The following RHBDL3 variants were observed in gnomAD, a reference collection of about 807,000 sequenced individuals.
The protein encoded by RHBDL3 is rhomboid-related protein 3.
In RHBDL3, 28 loss-of-function variants were observed where a neutral mutation model predicts 48.2. The observed-to-expected ratio is 0.58, with a 90% CI of 0.43 to 0.80. The LOEUF (loss-of-function observed/expected upper bound fraction) is 0.80. Among genes scored for constraint, RHBDL3 ranks in the 30% least tolerant of loss-of-function variants. The pLI, the probability that RHBDL3 is intolerant of heterozygous loss-of-function variation, is 0.00. For synonymous variants in RHBDL3, 208 were observed against 232.3 expected (o/e 0.90, Z 0.95); for missense variants, 464 against 542.7 (o/e 0.85, Z 1.44).
chr17:32,285,868 G>A (rs111680049), intron 3 of RHBDL3, among the ~76,000 whole-genome samples: 1 of 152,170 alleles, frequency 6.6e-6, no homozygotes, highest in East Asian at 1.9e-4. Flanking sequence ...CCACATGAGC[G>A]CTCTGATGTG....
At chr17:32,301,375 T>C (rs1318950424) in intron 6 of RHBDL3, among the ~76,000 whole-genome samples, 1 of 148,470 alleles carries the variant, frequency 6.7e-6, no homozygotes, top group African/African-American at 2.5e-5. Context: ...AAGACCAGCC[T>C]GGGCAACATA....
At chr17:32,296,923 C>T (rs913583465) in intron 5 of RHBDL3, among the ~76,000 whole-genome samples, 2 of 152,006 alleles carry the variant, frequency 1.3e-5, no homozygotes, top group African/African-American at 2.4e-5. Context: ...AAGCTATTCT[C>T]CTGCCTCAGC....
chr17:32,285,125 G>A (rs940993998), intron 3 of RHBDL3, among the ~76,000 whole-genome samples: 2 of 151,450 alleles, frequency 1.3e-5, no homozygotes, highest in African/African-American at 4.9e-5. Context: ...AGGGAGGGAG[G>A]GAGGGAGAGA....
At chr17:32,303,382 C>G (rs949574766) in intron 6 of RHBDL3, among the ~76,000 whole-genome samples, 1 of 152,190 alleles carries the variant, frequency 6.6e-6, no homozygotes, top group African/African-American at 2.4e-5. Context: ...TGCAATGCAG[C>G]CTTCGAAGAC....
At chr17:32,316,345 T>C in intron 8 of RHBDL3, 53 bp downstream of exon 8, 1 of 1,353,706 alleles carries the variant, frequency 7.4e-7, no homozygotes. Context: ...GGGCCTGAGG[T>C]TCAAAGATGG....
In RHBDL3 at chr17:32,304,485, C is replaced by T. The variant is rs147271754; in HGVS notation, c.782-856C>T. ...CAGACCCAGATGCAAATCCTGGTTC[C>T]GGCACTTCCTACCAGGAGACTCTGG... On this transcript the variant is annotated intron_variant, in intron 6 of 8. Coordinates refer to ENST00000269051, the MANE Select transcript of RHBDL3 (RefSeq NM_138328.3). Among the ~76,000 whole-genome samples the T allele has an allele frequency of 3.4e-4, 52 of 152,260 alleles. No individual in the cohort carries two copies. The East Asian group carries it at 9.6e-3, about 28-fold the overall frequency.
intron 8 of RHBDL3, among the ~76,000 whole-genome samples, chr17:32,318,729 C>G (rs2041034375): frequency 6.6e-6 from 1 of 152,116 alleles, no homozygotes; most frequent in Non-Finnish European, 1.5e-5. Context: ...TCTGGGTCAG[C>G]TACCTGCTGT....
At chr17:32,308,754 G>A (rs771256113) in intron 7 of RHBDL3, among the ~76,000 whole-genome samples, 37 of 152,294 alleles carry the variant, frequency 2.4e-4, no homozygotes, top group Middle Eastern at 3.4e-3. Flanking sequence ...TCAGAGATGC[G>A]TTGGGTCGAC....
At chr17:32,309,218 G>C (rs2150745717) in intron 7 of RHBDL3, among the ~76,000 whole-genome samples, 1 of 150,364 alleles carries the variant, frequency 6.7e-6, no homozygotes, top group East Asian at 2.0e-4. Context: ...GTGTGTGTGA[G>C]ATACACAGTA....
chr17:32,289,243 C>T (rs2040271766), intron 4 of RHBDL3, among the ~76,000 whole-genome samples: 1 of 152,204 alleles, frequency 6.6e-6, no homozygotes, highest in South Asian at 2.1e-4. Context: ...AAGATTATTA[C>T]TTCAAACAAT....
rs901770843 is a variant in RHBDL3 at position 32,265,870 on chromosome 17, G to A, written c.-320G>A. ...CGCGAGAAGCGGGAAGGGAGCGCGG[G>A]GAGCGGCGGGGCCGGGGCCGGCCCA... is the stretch of plus-strand genomic sequence containing the variant. On this transcript the variant is annotated 5_prime_UTR_variant, in exon 1 of 9. Transcript: ENST00000269051. Among the ~76,000 whole-genome samples the A allele has an allele frequency of 6.8e-5, 10 of 147,384 alleles. No individual in the cohort carries two copies. The highest frequency in any genetic ancestry group is 2.0e-4 in the African/African-American group (8 of 40,986).
At chr17:32,283,376 C>T (rs1235952969) in intron 2 of RHBDL3, among the ~76,000 whole-genome samples, 1 of 134,592 alleles carries the variant, frequency 7.4e-6, no homozygotes, top group Non-Finnish European at 1.5e-5. Flanking sequence ...GGCTGGAGTG[C>T]AGTGGCGTGA....
intron 2 of RHBDL3, among the ~76,000 whole-genome samples, chr17:32,269,440 C>A (rs556003508): frequency 6.6e-6 from 1 of 152,210 alleles, no homozygotes; most frequent in Non-Finnish European, 1.5e-5. Flanking sequence ...AGGAGCCAGC[C>A]GGTTGCAGAT....
intron 4 of RHBDL3, among the ~76,000 whole-genome samples, chr17:32,293,959 C>T (rs2040391471): frequency 1.3e-5 from 2 of 152,044 alleles, no homozygotes; most frequent in Non-Finnish European, 2.9e-5. Context: ...GAAACCCAGT[C>T]TCTACTAAAA....
At chr17:32,285,093 C>A (rs1046792623) in intron 3 of RHBDL3, among the ~76,000 whole-genome samples, 7 of 151,870 alleles carry the variant, frequency 4.6e-5, no homozygotes, top group Admixed American at 2.0e-4. Context: ...AGCCCTCATA[C>A]CCTCAGGCTG....
intron 7 of RHBDL3, among the ~76,000 whole-genome samples, chr17:32,312,695 T>C (rs542391417): frequency 1.3e-5 from 2 of 151,636 alleles, no homozygotes; most frequent in African/African-American, 2.4e-5. Flanking sequence ...TTTTTTTATA[T>C]GTTTAGTAGA....
chr17:32,284,548 CA>C (rs1597633300), intron 2 of RHBDL3, 110 bp from the exon 3 acceptor site: 6 of 1,043,456 alleles, frequency 5.8e-6, no homozygotes, highest in African/African-American at 1.6e-5. Context: ...GAGCCTCTGC[CA>C]GGGGCTGGGG....
chr17:32,283,686 A>T (rs988083730), intron 2 of RHBDL3, among the ~76,000 whole-genome samples: 2 of 152,204 alleles, frequency 1.3e-5, no homozygotes, highest in African/African-American at 4.8e-5. Flanking sequence ...CTGTCTGTTC[A>T]TCTGAACACC....
At chr17:32,281,361 C>G (rs1429199286) in intron 2 of RHBDL3, among the ~76,000 whole-genome samples, 1 of 151,970 alleles carries the variant, frequency 6.6e-6, no homozygotes, top group Non-Finnish European at 1.5e-5. Flanking sequence ...CCCTCCCCAG[C>G]CTGGGAGGCA....
Sources: allele counts gnomAD v4.1 joint callset (sites outside exome capture counted in the v4.1 genomes callset), GRCh38; gene constraint gnomAD v4.1.1; transcripts MANE v1.5; gene names NCBI Gene and HGNC (gene_info 2026-07-23, HGNC 2026-07-21).